Variants in PRDM9 observed in about 807,000 individuals in gnomAD.
PRDM9 encodes PR/SET domain 9, also known as histone-lysine N-methyltransferase PRDM9.
A neutral mutation model predicts 55.6 loss-of-function variants in PRDM9; 47 were observed. That is an observed-to-expected ratio of 0.85 (90% CI 0.67 to 1.08). The LOEUF is 1.08. Ranked by LOEUF, PRDM9 falls within the 50% of genes least tolerant of loss-of-function variation. PRDM9 has a pLI of 0.00. For missense variants in PRDM9, 867 were observed against 1,040.3 expected, an observed-to-expected ratio of 0.83 and a Z score of 2.29; for synonymous variants, 312 against 375.7, an observed-to-expected ratio of 0.83 and a Z score of 1.96.
chr5:23,515,382 A>G (rs1739191667), intron 4 of PRDM9, among the ~76,000 whole-genome samples: 1 of 152,160 alleles, frequency 6.6e-6, no homozygotes, highest in African/African-American at 2.4e-5. Flanking sequence ...TAGCTGAACT[A>G]TAGTCATGTG....
Position 23,523,339 on chromosome 5 carries a change from T to C in PRDM9, c.931T>C (p.Ser311Pro). 1.9e-6 allele frequency: 3 copies of C among 1,613,892 alleles called. No individual in the cohort carries two copies. Among genetic ancestry groups the C allele is most frequent in the Non-Finnish European group, 2.5e-6 (3 of 1,179,800 alleles). ...CYEYVDGKDK[S>P]WANWMRYVNC... ...TGAGTATGTGGATGGAAAAGATAAATCCTGGGCCAACTGGATGAGGTAAGG... is the reference window on the plus strand; with the variant it reads ...TGAGTATGTGGATGGAAAAGATAAACCCTGGGCCAACTGGATGAGGTAAGG... Residue 311 changes from serine (S) to proline (P), a missense_variant, in exon 9 of 11, where the codon TCC (serine) becomes CCC (proline). Transcript: ENST00000296682.
At chr5:23,521,849 G>A (rs7715803) in intron 6 of PRDM9, among the ~76,000 whole-genome samples, 4,038 of 152,172 alleles carry the variant, frequency 0.027, 188 homozygotes, top group African/African-American at 0.092. Flanking sequence ...TACATGCAAG[G>A]TGTCCAATAA....
chr5:23,519,026 T>C (rs1288225383), intron 5 of PRDM9, among the ~76,000 whole-genome samples: 1 of 152,186 alleles, frequency 6.6e-6, no homozygotes, highest in East Asian at 1.9e-4. Context: ...ATCAGGACTA[T>C]GAGATAATTT....
At position 23,522,316 on chromosome 5, in the gene PRDM9, A is replaced by C. The variant is rs767786395; in HGVS notation, c.521A>C (p.Lys174Thr). The C allele has an allele frequency of 6.2e-7, 1 of 1,613,810 alleles. No individual in the cohort carries two copies. Among genetic ancestry groups the C allele is most frequent in the Non-Finnish European group, 8.5e-7 (1 of 1,179,706 alleles). The change falls in exon 7 of 11, where the codon AAG becomes ACG. Residue 174 changes from lysine (K) to threonine (T), a missense_variant. Physicochemically the swap from Lys to Thr is moderately conservative, Grantham distance 78. Around this residue, in one of 5 missense-constraint regions of PRDM9, gnomAD observed 662 missense variants for 711.9 expected, o/e 0.93. Transcript: ENST00000296682. ...TTCTCCAACCTAGAACTCAGGAAGA[A>C]GGAGACTGAAAGAAAGATGTATAGC... ...HSRLKLELRKKETERKMYSLR... is the reference protein window; with the variant it reads ...HSRLKLELRKTETERKMYSLR...
rs200222315 is a variant in PRDM9 at position 23,522,454 on chromosome 5, G to A, written c.610+49G>A. 1,809 of 1,587,312 alleles carry A rather than the reference G, an allele frequency of 1.1e-3. 3 individuals are homozygous for A. The highest frequency in any genetic ancestry group is 1.4e-3 in the Non-Finnish European group (1,579 of 1,155,728). On this transcript the variant is annotated intron_variant, in intron 7 of 10. Transcript: ENST00000296682. ...ACACAGCTTGCTGTTATGTCCTGGT[G>A]CAATAATTTCATCATTTGGCCCACA...
chr5:23,517,852 C>G, intron 4 of PRDM9, 29 bp from the exon 5 acceptor site: 1 of 1,553,798 alleles, frequency 6.4e-7, no homozygotes. Flanking sequence ...ATTTACCAAC[C>G]AAACCACTGA....
intron 4 of PRDM9, among the ~76,000 whole-genome samples, chr5:23,513,814 G>A (rs902840776): frequency 6.6e-6 from 1 of 150,756 alleles, no homozygotes; most frequent in Non-Finnish European, 1.5e-5. Context: ...GGGAGGCAGA[G>A]GTTTCAGTGA....
chr5:23,517,554 C>T (rs555713612), intron 4 of PRDM9, among the ~76,000 whole-genome samples: 16 of 152,016 alleles, frequency 1.1e-4, no homozygotes, highest in Non-Finnish European at 1.6e-4. Context: ...GGGAGGCAGA[C>T]GCAGGTGGAT....
At chr5:23,521,764 T>C (rs981585191) in intron 6 of PRDM9, among the ~76,000 whole-genome samples, 1 of 152,230 alleles carries the variant, frequency 6.6e-6, no homozygotes, top group Admixed American at 6.5e-5. Flanking sequence ...TGAATGGTAA[T>C]CTGTAAAATG....
chr5:23,510,253 G>T (rs1739068247), intron 4 of PRDM9, among the ~76,000 whole-genome samples: 1 of 151,774 alleles, frequency 6.6e-6, no homozygotes, highest in Non-Finnish European at 1.5e-5. Flanking sequence ...TAGAGATGGG[G>T]TTTCTCCGTG....
chr5:23,520,165 G>A (rs1407096464), intron 5 of PRDM9, among the ~76,000 whole-genome samples: 1 of 151,756 alleles, frequency 6.6e-6, no homozygotes, highest in Non-Finnish European at 1.5e-5. Flanking sequence ...AGGAGTTCGA[G>A]ACCATCCTGG....
chr5:23,523,110 T>C (rs1438467412), intron 8 of PRDM9, among the ~76,000 whole-genome samples, 181 bp from the exon 9 acceptor site: 1 of 152,236 alleles, frequency 6.6e-6, no homozygotes, highest in Non-Finnish European at 1.5e-5. Context: ...GTGGAGCTTC[T>C]GCTCTGATTG....
chr5:23,522,348 G>A lies in PRDM9; in HGVS notation c.553G>A (p.Glu185Lys). Residue 185 changes from glutamate to lysine, a missense_variant, in exon 7 of 11, where the codon GAA becomes AAA. Transcript: ENST00000296682. The part of the protein sequence containing the change: ...ETERKMYSLR[E>K]RKGHAYKEVS... ...TGAAAGAAAGATGTATAGCCTGCGA[G>A]AAAGAAAGGGTCATGCATACAAAGA... is the stretch of plus-strand genomic sequence containing the variant. The A allele has an allele frequency of 1.9e-6, 3 of 1,614,134 alleles. No individual in the cohort carries two copies. Among genetic ancestry groups the A allele is most frequent in the Non-Finnish European group, 2.5e-6 (3 of 1,180,018 alleles).
chr5:23,524,207 AGGAGTGGTGGG>A, intron 9 of PRDM9, 116 bp from the exon 10 acceptor site: 1 of 1,229,702 alleles, frequency 8.1e-7, no homozygotes, highest in Non-Finnish European at 1.2e-6. Flanking sequence ...AGGTTCCCGG[AGGAGTGGTGGG>A]GGAGTGGTCA....
intron 5 of PRDM9, 149 bp from the exon 6 acceptor site, chr5:23,520,874 A>C: frequency 2.2e-6 from 2 of 905,238 alleles, no homozygotes; most frequent in Non-Finnish European, 3.4e-6. Context: ...ACTCACTTAG[A>C]CCTTCTCTTT....
chr5:23,517,174 T>C (rs1217905615), intron 4 of PRDM9, among the ~76,000 whole-genome samples: 1 of 135,604 alleles, frequency 7.4e-6, no homozygotes, highest in Non-Finnish European at 1.6e-5. Context: ...AAAAAAAAGG[T>C]TGGGGGGGCT....
At position 23,521,776 on chromosome 5, in the gene PRDM9, G is replaced by T. The variant is rs1412838533; in HGVS notation, c.509-528G>T. ...TCCTGAATGGTAATCTGTAAAATGA[G>T]ACCAAGTATATATAGACCAAGTACA... On this transcript the variant is annotated intron_variant, in intron 6 of 10. Transcript: ENST00000296682. Among the ~76,000 whole-genome samples the T allele has an allele frequency of 2.0e-5, 3 of 152,302 alleles. No homozygotes were observed. In the East Asian group the frequency reaches 5.8e-4, roughly 29 times the overall value.
rs749571211 is a variant in PRDM9 at position 23,526,634 on chromosome 5, G to A, written c.1546G>A (p.Val516Ile). Residue 516 changes from valine to isoleucine, a missense_variant, in exon 11 of 11, where the codon GTA becomes ATA. Val to Ile is a conservative substitution (Grantham distance 29). Coordinates refer to ENST00000296682, the MANE Select transcript of PRDM9 (RefSeq NM_020227.4). ...GAACACAGGCAAATTATTTGTGGGG[G>A]TAGGAATCTCAAGAATTGCAAAAGT... ...PGNTGKLFVG[V>I]GISRIAKVKY... 32 of 1,614,122 alleles carry A rather than the reference G, an allele frequency of 2.0e-5. No homozygotes were observed. The South Asian group carries it at 3.4e-4, about 17-fold the overall frequency.
In PRDM9 at chr5:23,527,980, T is replaced by TA; in HGVS notation, c.*209dup. 1 of 729,052 alleles carries TA rather than the reference T, an allele frequency of 1.4e-6. No homozygotes were observed. The highest frequency in any genetic ancestry group is 2.3e-6 in the Non-Finnish European group (1 of 439,492). The allele number at this position is 729,052 out of a possible 1,614,324, so 45.2% of individuals were successfully genotyped here. Reference sequence around the variant, plus strand: ...TGAGGAAGAACAAGGGATAGTTCTGTAAGTGTTCGGGGGACATCAGCATGT... The same window carrying TA: ...TGAGGAAGAACAAGGGATAGTTCTGTAAAGTGTTCGGGGGACATCAGCATGT... On this transcript the variant is annotated 3_prime_UTR_variant, in exon 11 of 11. Coordinates refer to ENST00000296682, the MANE Select transcript of PRDM9 (RefSeq NM_020227.4).
Sources: allele counts gnomAD v4.1 joint callset (sites outside exome capture counted in the v4.1 genomes callset), GRCh38; gene constraint gnomAD v4.1.1; regional missense constraint gnomAD v4.1.1; transcripts MANE v1.5; gene names NCBI Gene and HGNC (gene_info 2026-07-23, HGNC 2026-07-21).